VTI1A: variants seen among roughly 807,000 people sequenced by gnomAD.
The protein encoded by VTI1A is vesicle transport through interaction with t-SNAREs 1A.
VTI1A carries 22 observed loss-of-function variants against 34.9 expected under a neutral mutation model. That is an observed-to-expected ratio of 0.63 (90% CI 0.45 to 0.90). The LOEUF (loss-of-function observed/expected upper bound fraction) is 0.90. Among genes scored for constraint, VTI1A ranks in the 40% least tolerant of loss-of-function variants. The probability of loss-of-function intolerance (pLI) is 0.00; values close to 1 mark genes in which losing one functional copy is unlikely to be tolerated. For missense variants in VTI1A, 268 were observed against 275.6 expected (o/e 0.97, Z 0.20); for synonymous variants, 87 against 97.3 (o/e 0.89, Z 0.62).
chr10:112,752,203 G>A (rs1380857913), intron 7 of VTI1A: 2 of 171,290 alleles, frequency 1.2e-5, no homozygotes, highest in African/African-American at 4.8e-5. Context: ...GGTTGCAGAT[G>A]CTAATGACCA....
At chr10:112,668,182 A>G (rs1406781197) in intron 5 of VTI1A, 36 bp from the exon 6 acceptor site, 4 of 1,590,440 alleles carry the variant, frequency 2.5e-6, no homozygotes, top group East Asian at 4.5e-5. Flanking sequence ...ATGCACTCCA[A>G]GTCATTTTTC....
intron 7 of VTI1A, chr10:112,737,043 A>G (rs1238006462): frequency 4.4e-6 from 2 of 455,798 alleles, no homozygotes; most frequent in Non-Finnish European, 7.8e-6. Flanking sequence ...AACCCATTAC[A>G]TAGTGGACAA....
intron 5 of VTI1A, among the ~76,000 whole-genome samples, chr10:112,591,687 C>T (rs868121165): frequency 2.6e-5 from 4 of 152,196 alleles, no homozygotes; most frequent in South Asian, 2.1e-4. Flanking sequence ...TAAGCTCCTT[C>T]GCTATATTCC....
intron 7 of VTI1A, among the ~76,000 whole-genome samples, chr10:112,677,246 T>C (rs926194513): frequency 6.6e-6 from 1 of 152,134 alleles, no homozygotes; most frequent in Non-Finnish European, 1.5e-5. Context: ...ACCTTTGGAA[T>C]AGGAATATTC....
At chr10:112,600,542 T>C (rs1844839579) in intron 5 of VTI1A, among the ~76,000 whole-genome samples, 1 of 152,236 alleles carries the variant, frequency 6.6e-6, no homozygotes, top group Non-Finnish European at 1.5e-5. Flanking sequence ...GCTTCGTTCA[T>C]GTGTGGCCTC....
At chr10:112,805,788 A>T (rs1418364920) in intron 7 of VTI1A, among the ~76,000 whole-genome samples, 1 of 152,142 alleles carries the variant, frequency 6.6e-6, no homozygotes, top group African/African-American at 2.4e-5. Context: ...AAGCTGGGAG[A>T]GAGGCATGGA....
chr10:112,760,717 C>T (rs974102447), intron 7 of VTI1A, among the ~76,000 whole-genome samples: 1 of 152,008 alleles, frequency 6.6e-6, no homozygotes, highest in Non-Finnish European at 1.5e-5. Context: ...GGTGAAACCC[C>T]ATCTCTACTA....
At chr10:112,752,610 C>T (rs1334578826) in intron 7 of VTI1A, 1 of 983,594 alleles carries the variant, frequency 1.0e-6, no homozygotes, top group African/African-American at 1.7e-5. Context: ...TCTGCTGTGG[C>T]TGCCAGGGTT....
chr10:112,586,109 G>A (rs1844146069), intron 5 of VTI1A, among the ~76,000 whole-genome samples: 1 of 148,528 alleles, frequency 6.7e-6, no homozygotes, highest in African/African-American at 2.5e-5. Context: ...TGCTCTTTAT[G>A]GCTAAGTGGC....
At position 112,499,134 on chromosome 10, in the gene VTI1A, A is replaced by T. The variant is rs1849132247; in HGVS notation, c.265-27953A>T. On this transcript the variant is annotated intron_variant, in intron 3 of 7. Transcript: ENST00000393077. ...GCATTTAATAAGTATATATAAGGAAAAATTAGAGTATTTAACTTCTTTTTA... is the reference window on the plus strand; with the variant it reads ...GCATTTAATAAGTATATATAAGGAATAATTAGAGTATTTAACTTCTTTTTA... Among the ~76,000 whole-genome samples, 3 of 152,286 alleles carry T rather than the reference A, an allele frequency of 2.0e-5. No individual in the cohort carries two copies. In the South Asian group the frequency reaches 6.2e-4, roughly 32 times the overall value.
At chr10:112,515,766 C>CT (rs983602877) in intron 3 of VTI1A, among the ~76,000 whole-genome samples, 19 of 151,780 alleles carry the variant, frequency 1.3e-4, no homozygotes, top group South Asian at 4.2e-4. Flanking sequence ...TTGTTTGTGG[C>CT]TTTTTTTTGG....
intron 5 of VTI1A, among the ~76,000 whole-genome samples, chr10:112,655,035 A>C (rs2044366): frequency 0.23 from 34,334 of 152,020 alleles, 4,764 homozygotes; most frequent in East Asian, 0.57. Context: ...TAGATTGCCA[A>C]CCCTTACAGT....
In VTI1A at chr10:112,817,530, C is replaced by T. The variant is rs370978599; in HGVS notation, c.*2147C>T. The T allele has an allele frequency of 5.4e-4, 123 of 229,644 alleles. No individual in the cohort carries two copies. Among genetic ancestry groups the T allele is most frequent in the African/African-American group, 2.6e-3 (117 of 45,268 alleles). 14.2% of individuals were successfully genotyped at this position (229,644 alleles called of 1,614,324 possible). A position where few individuals can be genotyped will look rare whatever the true frequency, so the allele number is the denominator to read the frequency against. ...GAGTGGGAAGAATATGAACAGATAA[C>T]CCTTGGCCTAACAGCTCCATCAAAC... On this transcript the variant is annotated 3_prime_UTR_variant, in exon 8 of 8. Transcript: ENST00000393077.
chr10:112,615,836 A>T (rs1019643755), intron 5 of VTI1A, among the ~76,000 whole-genome samples: 4 of 152,160 alleles, frequency 2.6e-5, no homozygotes, highest in African/African-American at 9.7e-5. Flanking sequence ...CTAGGACAGG[A>T]AGGAGTATGG....
At chr10:112,518,557 C>T (rs1164312210) in intron 3 of VTI1A, among the ~76,000 whole-genome samples, 1 of 23,160 alleles carries the variant, frequency 4.3e-5, no homozygotes, top group Non-Finnish European at 7.0e-5. Flanking sequence ...TTCTCTCTCT[C>T]TCTCTCTCTC....
intron 3 of VTI1A, among the ~76,000 whole-genome samples, chr10:112,523,472 C>G (rs1223737723): frequency 6.6e-6 from 1 of 152,002 alleles, no homozygotes; most frequent in Non-Finnish European, 1.5e-5. Context: ...GATTTTCTTT[C>G]TAACCATGTA....
intron 5 of VTI1A, among the ~76,000 whole-genome samples, chr10:112,550,931 T>C (rs1851326537): frequency 6.6e-6 from 1 of 152,138 alleles, no homozygotes; most frequent in South Asian, 2.1e-4. Context: ...ATGAAAAGGT[T>C]GATATTTGTG....
At chr10:112,606,372 T>G (rs921741166) in intron 5 of VTI1A, among the ~76,000 whole-genome samples, 4 of 152,112 alleles carry the variant, frequency 2.6e-5, no homozygotes, top group African/African-American at 7.2e-5. Context: ...GCATCAAGTC[T>G]TCATGCCCTC....
chr10:112,625,504 G>A (rs187563136), intron 5 of VTI1A, among the ~76,000 whole-genome samples: 1 of 152,040 alleles, frequency 6.6e-6, no homozygotes, highest in Non-Finnish European at 1.5e-5. Flanking sequence ...GCCGGGCATG[G>A]CGGCACATGC....
Sources: gnomAD v4.1 joint callset for allele counts (sites outside exome capture counted in the v4.1 genomes callset) on GRCh38, gnomAD v4.1.1 for gene constraint, MANE v1.5 for transcripts, NCBI Gene and HGNC (gene_info 2026-07-23, HGNC 2026-07-21) for gene names.